Variants in TPH1 observed in about 807,000 individuals in gnomAD.
TPH1 encodes the protein tryptophan hydroxylase 1.
In TPH1, 37 loss-of-function variants were observed where a neutral mutation model predicts 49.5. The ratio of observed to expected loss-of-function variants is 0.75; its 90% CI spans 0.58 to 0.98. The LOEUF (loss-of-function observed/expected upper bound fraction) is 0.98. Ranked by LOEUF, TPH1 falls within the 50% of genes least tolerant of loss-of-function variation. The probability of loss-of-function intolerance (pLI) is 0.00; values close to 1 mark genes in which losing one functional copy is unlikely to be tolerated. For missense variants in TPH1, 487 were observed against 523.6 expected (o/e 0.93, Z 0.68); for synonymous variants, 160 against 182.1 (o/e 0.88, Z 0.98).
At chr11:18,028,933 C>T (rs548051062) in intron 6 of TPH1, among the ~76,000 whole-genome samples, 1 of 152,000 alleles carries the variant, frequency 6.6e-6, no homozygotes, top group East Asian at 1.9e-4. Flanking sequence ...GGTGTGGTGG[C>T]AGGTGCCTGT....
At chr11:18,040,833 C>T in intron 1 of TPH1, 45 bp from the exon 2 acceptor site, 1 of 1,542,096 alleles carries the variant, frequency 6.5e-7, no homozygotes, top group East Asian at 2.3e-5. Context: ...AGAAGTTGCA[C>T]AATGCAGACA....
intron 1 of TPH1, chr11:18,042,436 GA>G: frequency 7.3e-6 from 3 of 412,434 alleles, no homozygotes; most frequent in East Asian, 1.5e-4. Flanking sequence ...CCTAAAGCGT[GA>G]AAATGTAAAC....
chr11:18,040,168 CTT>C (rs1178676104), intron 2 of TPH1, among the ~76,000 whole-genome samples: 1 of 148,758 alleles, frequency 6.7e-6, no homozygotes, highest in African/African-American at 2.4e-5. Context: ...TAAAGTGAAT[CTT>C]TTCTCCCCCA....
At position 18,020,811 on chromosome 11, in the gene TPH1, G is replaced by A; in HGVS notation, c.*180C>T. 2 of 601,580 alleles carry A rather than the reference G, an allele frequency of 3.3e-6. No individual in the cohort carries two copies. The highest frequency in any genetic ancestry group is 5.8e-6 in the Non-Finnish European group (2 of 342,096). The allele number at this position is 601,580 out of a possible 1,614,324, so 37.3% of individuals were successfully genotyped here. A position where few individuals can be genotyped will look rare whatever the true frequency, so the allele number is the denominator to read the frequency against. On this transcript the variant is annotated 3_prime_UTR_variant, in exon 11 of 11. Transcript: ENST00000682019. ...GAAATAAAACTAAACAAAAAAATAAGTGGTAAATAGAATATCCAGGTACAA... is the reference window on the plus strand; with the variant it reads ...GAAATAAAACTAAACAAAAAAATAAATGGTAAATAGAATATCCAGGTACAA...
intron 10 of TPH1, among the ~76,000 whole-genome samples, chr11:18,021,832 AC>A (rs1313712161): frequency 6.6e-6 from 1 of 152,186 alleles, no homozygotes; most frequent in East Asian, 1.9e-4. Flanking sequence ...ACCCCCAGGA[AC>A]AATCATGTCC....
At chr11:18,024,113 C>T (rs1417520816) in intron 8 of TPH1, 130 bp from the exon 9 acceptor site, 1 of 725,200 alleles carries the variant, frequency 1.4e-6, no homozygotes, top group East Asian at 2.7e-5. Context: ...ACAAGTCTTT[C>T]TACAATCTGA....
In TPH1 at chr11:18,038,764, A is replaced by G. The variant is rs557547243; in HGVS notation, c.117+1882T>C. On this transcript the variant is annotated intron_variant, in intron 2 of 10. Coordinates refer to ENST00000682019, the MANE Select transcript of TPH1 (RefSeq NM_004179.3). ...GTACAGGTTGAGTTGTTTTTAAGCT[A>G]TGCACAATTATTCTTCGATTAAAAA... Among the ~76,000 whole-genome samples, 177 of 152,358 alleles carry G rather than the reference A, an allele frequency of 1.2e-3. 1 individual carries two copies. Among genetic ancestry groups the G allele is most frequent in the African/African-American group, 4.1e-3 (169 of 41,586 alleles).
chr11:18,027,737 G>A (rs1214733005), intron 6 of TPH1, among the ~76,000 whole-genome samples: 1 of 152,154 alleles, frequency 6.6e-6, no homozygotes, highest in Non-Finnish European at 1.5e-5. Context: ...TACAACTTCC[G>A]TAGCATATAT....
intron 1 of TPH1, chr11:18,041,364 T>C (rs1481846082): frequency 6.5e-6 from 1 of 152,786 alleles, no homozygotes; most frequent in Non-Finnish European, 1.5e-5. Context: ...GAGATCTACT[T>C]TGGTATCTTC....
chr11:18,026,393 CAAAAAAAAAA>C (rs57335932), intron 7 of TPH1, 87 bp downstream of exon 7: 31 of 588,728 alleles, frequency 5.3e-5, no homozygotes, highest in Middle Eastern at 5.9e-4. Flanking sequence ...CCTCGCACAC[CAAAAAAAAAA>C]AAAAAAAAAA....
chr11:18,021,222 TA>T, intron 10 of TPH1, 57 bp from the exon 11 acceptor site: 1 of 1,529,844 alleles, frequency 6.5e-7, no homozygotes, highest in Non-Finnish European at 9.1e-7. Flanking sequence ...TGATGAAAAC[TA>T]AACAAACAAC....
chr11:18,024,592 TCAA>T (rs1214889385), intron 8 of TPH1, among the ~76,000 whole-genome samples: 1 of 152,308 alleles, frequency 6.6e-6, no homozygotes, highest in East Asian at 1.9e-4. Context: ...GCATGAAGAC[TCAA>T]CAAGTGGATA....
chr11:18,034,089 C>T (rs996664672), intron 3 of TPH1, among the ~76,000 whole-genome samples: 2 of 152,166 alleles, frequency 1.3e-5, no homozygotes, highest in African/African-American at 4.8e-5. Context: ...TATAATGTAC[C>T]TGTTTATATG....
intron 1 of TPH1, among the ~76,000 whole-genome samples, chr11:18,042,875 G>A (rs1459987480): frequency 2.0e-5 from 3 of 152,196 alleles, no homozygotes; most frequent in African/African-American, 7.2e-5. Flanking sequence ...TGGAAAAGTT[G>A]CTTTATGATA....
At chr11:18,034,522 G>C (rs1483989729) in intron 3 of TPH1, among the ~76,000 whole-genome samples, 1 of 152,184 alleles carries the variant, frequency 6.6e-6, no homozygotes, top group African/African-American at 2.4e-5. Context: ...ACAGTATCTG[G>C]AGCAACAGAG....
intron 7 of TPH1, among the ~76,000 whole-genome samples, 176 bp downstream of exon 7, chr11:18,026,314 T>C (rs1847928031): frequency 7.1e-6 from 1 of 140,384 alleles, no homozygotes; most frequent in Non-Finnish European, 1.5e-5. Context: ...CTAACACATA[T>C]AGAGCATGGA....
Position 18,031,538 on chromosome 11 carries a change from G to A in TPH1, c.402+1736C>T, listed in dbSNP as rs1047508247. 5.3e-5 allele frequency among the ~76,000 whole-genome samples: 8 copies of A among 152,238 alleles called. No individual in the cohort carries two copies. The East Asian group carries it at 9.6e-4, about 18-fold the overall frequency. ...AATAATAGTCATATTGAGGTTTTAG[G>A]TCATTCTAATGAGGATAAGGAGGAG... On this transcript the variant is annotated intron_variant, in intron 4 of 10. Transcript: ENST00000682019.
chr11:18,023,153 G>C, intron 9 of TPH1: 3 of 513,356 alleles, frequency 5.8e-6, no homozygotes. Context: ...CCATGGCTTT[G>C]TTCTTCCTCT....
At position 18,025,695 on chromosome 11, in the gene TPH1, G is replaced by A. The variant is rs767610733; in HGVS notation, c.810C>T (p.Thr270=). 1 of 1,613,864 alleles carries A rather than the reference G, an allele frequency of 6.2e-7. No homozygotes were observed. Among genetic ancestry groups the A allele is most frequent in the African/African-American group, 1.3e-5 (1 of 75,022 alleles). Reference sequence around the variant, plus strand: ...GGACATGACCTAAGAGTTCATGGCAGGTATCTCTGAAAGAGAGGTACAAGT... The same window carrying A: ...GGACATGACCTAAGAGTTCATGGCAAGTATCTCTGAAAGAGAGGTACAAGT... The part of the protein sequence containing the change: ...SDPFYTPEPD[T]CHELLGHVPL... Residue 270 remains threonine (T), a synonymous_variant, in exon 8 of 11, where the codon ACC becomes ACT. Transcript: ENST00000682019.
Sources: gnomAD v4.1 joint callset for allele counts (sites outside exome capture counted in the v4.1 genomes callset) on GRCh38, gnomAD v4.1.1 for gene constraint, MANE v1.5 for transcripts, NCBI Gene and HGNC (gene_info 2026-07-23, HGNC 2026-07-21) for gene names.